The following SPTBN4 variants were observed in gnomAD, a reference collection of about 807,000 sequenced individuals.
SPTBN4 encodes the protein spectrin beta chain, non-erythrocytic 4.
Under a neutral mutation model 277.8 loss-of-function variants are expected in SPTBN4, and 96 were observed. The ratio of observed to expected loss-of-function variants is 0.35; its 90% CI spans 0.29 to 0.41. SPTBN4 has a LOEUF of 0.41. Among genes scored for constraint, SPTBN4 ranks in the 10% least tolerant of loss-of-function variants. The probability of loss-of-function intolerance (pLI) is 1.00; values close to 1 mark genes in which losing one functional copy is unlikely to be tolerated. For missense variants in SPTBN4, 3,006 were observed against 3,595.7 expected (o/e 0.84, Z 4.19); for synonymous variants, 1,481 against 1,580.3 (o/e 0.94, Z 1.49).
chr19:40,511,699 T>A (rs1217221083), intron 13 of SPTBN4, among the ~76,000 whole-genome samples: 2 of 152,166 alleles, frequency 1.3e-5, no homozygotes, highest in Non-Finnish European at 2.9e-5. Flanking sequence ...GGCCAGCCGT[T>A]CAAGACCAGC....
At chr19:40,565,377 G>A in intron 27 of SPTBN4, 46 bp from the exon 28 acceptor site, 1 of 1,584,926 alleles carries the variant, frequency 6.3e-7, no homozygotes, top group South Asian at 1.2e-5. Flanking sequence ...GGGGCAGGCT[G>A]AGGAGGCTCC....
chr19:40,529,594 A>G (rs2080639433), intron 18 of SPTBN4, among the ~76,000 whole-genome samples: 1 of 152,084 alleles, frequency 6.6e-6, no homozygotes, highest in Admixed American at 6.5e-5. Flanking sequence ...CCCTTCCCTT[A>G]GGGATGATCT....
chr19:40,571,847 C>G, intron 33 of SPTBN4, 172 bp from the exon 34 acceptor site: 1 of 623,186 alleles, frequency 1.6e-6, no homozygotes, highest in East Asian at 2.9e-5. Context: ...ATGCTCCCCT[C>G]AGGGCAGCAA....
chr19:40,500,547 T>C (rs1368868012), intron 7 of SPTBN4, among the ~76,000 whole-genome samples: 2 of 152,166 alleles, frequency 1.3e-5, no homozygotes, highest in Non-Finnish European at 2.9e-5. Context: ...CCCACGCCTA[T>C]AGTGGCCCAC....
intron 26 of SPTBN4, 73 bp downstream of exon 26, chr19:40,557,476 AG>A (rs2080994774): frequency 1.4e-6 from 2 of 1,481,048 alleles, no homozygotes; most frequent in East Asian, 4.7e-5. Flanking sequence ...GGCAAAAATC[AG>A]GCTGTGGAGC....
intron 17 of SPTBN4, among the ~76,000 whole-genome samples, chr19:40,526,204 ACT>A (rs1323485280): frequency 8.3e-6 from 1 of 119,938 alleles, no homozygotes; most frequent in African/African-American, 3.3e-5. Flanking sequence ...ATGGAGTCTC[ACT>A]CTGTCACCCA....
intron 6 of SPTBN4, among the ~76,000 whole-genome samples, chr19:40,496,298 C>T (rs1428223348): frequency 6.6e-6 from 1 of 152,074 alleles, no homozygotes; most frequent in Non-Finnish European, 1.5e-5. Context: ...TACAGGCGCC[C>T]GCCACCACAC....
rs778825395 is a variant in SPTBN4, at chr19:40,502,328, TC to T, written c.1085+14del. The T allele has an allele frequency of 6.2e-7, 1 of 1,611,032 alleles. No homozygotes were observed. Among genetic ancestry groups the T allele is most frequent in the South Asian group, 1.1e-5 (1 of 91,042 alleles). On this transcript the variant is annotated intron_variant, in intron 9 of 35. Coordinates refer to ENST00000598249, the MANE Select transcript of SPTBN4 (RefSeq NM_020971.3). This position sits in a 1 kb window ranked among gnomAD's most constrained non-coding sequence, Gnocchi z 4.9. ...AGAAGCCTGTCAAGTGAGGCCCAGC[TC>T]TGGAGGGAGGGTGGGCAGGGGTGGC...
chr19:40,535,422 C>T (rs1340701059), intron 20 of SPTBN4, among the ~76,000 whole-genome samples: 1 of 151,986 alleles, frequency 6.6e-6, no homozygotes, highest in East Asian at 1.9e-4. Flanking sequence ...ACTGAGGTTC[C>T]AGGAGGTGAG....
intron 13 of SPTBN4, 126 bp downstream of exon 13, chr19:40,506,512 G>A: frequency 7.3e-7 from 1 of 1,363,554 alleles, no homozygotes; most frequent in Non-Finnish European, 9.7e-7. Flanking sequence ...TTTAAGCAGA[G>A]CCTAAGATTA....
At chr19:40,572,789 T>C (rs2145963321) in intron 35 of SPTBN4, among the ~76,000 whole-genome samples, 1 of 151,912 alleles carries the variant, frequency 6.6e-6, no homozygotes. Context: ...TGAAACCCCG[T>C]CTCTACTAAA....
chr19:40,489,228 A>AAAAG (rs1555810978), intron 3 of SPTBN4, among the ~76,000 whole-genome samples: 19 of 141,682 alleles, frequency 1.3e-4, no homozygotes, highest in Non-Finnish European at 2.1e-4. Flanking sequence ...AAAAAAAAAA[A>AAAAG]AAAGAAAGAA....
At position 40,554,334 on chromosome 19, in the gene SPTBN4, T is replaced by A. The variant is rs374855722; in HGVS notation, c.4862T>A (p.Phe1621Tyr). 139 of 1,565,180 alleles carry A rather than the reference T, an allele frequency of 8.9e-5. 3 individuals are homozygous for A. Among genetic ancestry groups the A allele is most frequent in the East Asian group, 6.5e-4 (28 of 42,812 alleles). The change falls in exon 23 of 36, where the codon TTC (phenylalanine) becomes TAC (tyrosine). Residue 1621 changes from phenylalanine (F) to tyrosine (Y), a missense_variant. Phe to Tyr is a conservative substitution (Grantham distance 22, BLOSUM62 3). Coordinates refer to ENST00000598249, the MANE Select transcript of SPTBN4 (RefSeq NM_020971.3). The surrounding 1 kb of genome is among the most constrained non-coding windows in gnomAD (Gnocchi z 5.7). Reference sequence around the variant, plus strand: ...CGGCAGCAGGTGCTGGACGCCGCCTTCCAGGTGGAGCAGTACTACTTCGAC... The same window carrying A: ...CGGCAGCAGGTGCTGGACGCCGCCTACCAGGTGGAGCAGTACTACTTCGAC... ...ERRQQVLDAA[F>Y]QVEQYYFDVA...
intron 35 of SPTBN4, among the ~76,000 whole-genome samples, chr19:40,574,743 G>T (rs1301954194): frequency 6.6e-6 from 1 of 152,122 alleles, no homozygotes; most frequent in Non-Finnish European, 1.5e-5. Flanking sequence ...GGCCTGGCAT[G>T]GTGCCTCACA....
At chr19:40,541,299 C>A (rs1268653550) in intron 20 of SPTBN4, among the ~76,000 whole-genome samples, 2 of 152,152 alleles carry the variant, frequency 1.3e-5, no homozygotes, top group Non-Finnish European at 2.9e-5. Flanking sequence ...CCAGAGGAGA[C>A]AAGGGAGTGG....
At chr19:40,477,976 T>C (rs1436727123) in intron 2 of SPTBN4, among the ~76,000 whole-genome samples, 1 of 152,044 alleles carries the variant, frequency 6.6e-6, no homozygotes, top group East Asian at 1.9e-4. Context: ...GTAGCTGGGA[T>C]TACAGGCGCC....
rs573359533 is a variant in SPTBN4, at chr19:40,495,032, C to A, written c.668+55C>A. On this transcript the variant is annotated intron_variant, in intron 6 of 35. Transcript: ENST00000598249. Reference sequence around the variant, plus strand: ...TGCCCTTCAGCCCCCCATATCCCTGCAGCTGCACACCTGTACATGTACTTG... The same window carrying A: ...TGCCCTTCAGCCCCCCATATCCCTGAAGCTGCACACCTGTACATGTACTTG... 7 of 1,518,078 alleles carry A rather than the reference C, an allele frequency of 4.6e-6. No homozygotes were observed. The East Asian group carries it at 1.6e-4, about 34-fold the overall frequency. 94.0% of individuals were successfully genotyped at this position (1,518,078 alleles called of 1,614,324 possible).
chr19:40,524,523 T>C (rs769774247), intron 17 of SPTBN4: 8 of 445,850 alleles, frequency 1.8e-5, no homozygotes, highest in South Asian at 1.3e-4. Context: ...AAAAAAAAAA[T>C]GTGTTAACTT....
chr19:40,479,024 T>G (rs2079979659), intron 2 of SPTBN4, among the ~76,000 whole-genome samples: 1 of 152,174 alleles, frequency 6.6e-6, no homozygotes, highest in Non-Finnish European at 1.5e-5. Flanking sequence ...ACCTTGCCAC[T>G]CAAAGTGCAA....
Sources: allele counts gnomAD v4.1 joint callset (sites outside exome capture counted in the v4.1 genomes callset), GRCh38; gene constraint gnomAD v4.1.1; non-coding constraint Gnocchi (gnomAD v3.1); transcripts MANE v1.5; gene names NCBI Gene and HGNC (gene_info 2026-07-23, HGNC 2026-07-21).